NLGN4Y: variants seen among roughly 807,000 people sequenced by gnomAD.
NLGN4Y encodes the protein neuroligin 4 Y-linked.
Under a neutral mutation model 8.4 loss-of-function variants are expected in NLGN4Y, and 4 were observed. The ratio of observed to expected loss-of-function variants is 0.48; its 90% confidence interval spans 0.23 to 1.09. The LOEUF is 1.09. NLGN4Y is among the 50% of genes least tolerant of loss of function. The pLI is 0.19. For missense variants in NLGN4Y, 90 were observed against 192.3 expected (o/e 0.47, Z 3.15); for synonymous variants, 35 against 75.6 (o/e 0.46, Z 2.78).
intron 2 of NLGN4Y, among the ~76,000 whole-genome samples, chrY:14,632,821 G>T (rs2080553554): frequency 3.0e-5 from 1 of 33,470 alleles, no homozygotes; most frequent in African/African-American, 1.2e-4. Flanking sequence ...GTGGATTTCT[G>T]ATAGCATGTT....
At chrY:14,808,375 A>G in intron 4 of NLGN4Y, among the ~76,000 whole-genome samples, 1 of 33,793 alleles carries the variant, frequency 3.0e-5, no homozygotes, top group Admixed American at 2.7e-4. Context: ...TGTGAGGACT[A>G]CTATTCTCCT....
intron 5 of NLGN4Y, among the ~76,000 whole-genome samples, chrY:14,826,392 T>G (rs2043146571): frequency 4.0e-5 from 1 of 24,696 alleles, no homozygotes; most frequent in Non-Finnish European, 9.2e-5. Flanking sequence ...CAGGCAGGAG[T>G]GCAGCATCAT....
intron 4 of NLGN4Y, among the ~76,000 whole-genome samples, chrY:14,765,659 A>AT (rs2081091970): frequency 6.0e-5 from 2 of 33,510 alleles, no homozygotes; most frequent in Admixed American, 5.5e-4. Context: ...TCAAAATCAT[A>AT]TTTTTTATGT....
intron 4 of NLGN4Y, among the ~76,000 whole-genome samples, chrY:14,814,344 C>T: frequency 3.0e-5 from 1 of 33,160 alleles, no homozygotes; most frequent in Admixed American, 2.8e-4. Context: ...CTCTCTAGCC[C>T]AGTCTTGGAG....
chrY:14,791,202 G>C lies in NLGN4Y; in HGVS notation c.686-32986G>C, dbSNP rs372897985. Among the ~76,000 whole-genome samples the C allele has an allele frequency of 5.1e-3, 171 of 33,297 alleles. No individual in the cohort carries two copies. In the East Asian group the frequency reaches 0.12, roughly 23 times the overall value. 89.3% of individuals were successfully genotyped at this position (33,297 alleles called of 37,273 possible). A position where few individuals can be genotyped will look rare whatever the true frequency, so the allele number is the denominator to read the frequency against. On this transcript the variant is annotated intron_variant, in intron 4 of 6. Coordinates refer to ENST00000684976, the MANE Select transcript of NLGN4Y (RefSeq NM_001365588.1). ...AATTGAAACCTTAAAACTAACCTGT[G>C]GCCTTTGACCATTGCTTCTTGATCA...
At chrY:14,763,627 T>A (rs891522759) in intron 4 of NLGN4Y, among the ~76,000 whole-genome samples, 3 of 34,162 alleles carry the variant, frequency 8.8e-5, no homozygotes, top group Non-Finnish European at 2.2e-4. Context: ...GATGACTGAA[T>A]TCATTAGGAC....
intron 1 of NLGN4Y, among the ~76,000 whole-genome samples, chrY:14,575,935 A>C (rs2080296390): frequency 6.1e-5 from 2 of 32,962 alleles, no homozygotes; most frequent in South Asian, 7.1e-4. Flanking sequence ...TTGCTGCCTG[A>C]TTGTTCCCCT....
At chrY:14,629,883 C>G (rs766567122) in intron 2 of NLGN4Y, among the ~76,000 whole-genome samples, 1 of 33,458 alleles carries the variant, frequency 3.0e-5, no homozygotes, top group Non-Finnish European at 7.3e-5. Flanking sequence ...TTTTGAGGAG[C>G]AGTTATATGC....
intron 2 of NLGN4Y, among the ~76,000 whole-genome samples, chrY:14,633,818 T>C (rs935730688): frequency 5.9e-5 from 2 of 33,741 alleles, no homozygotes; most frequent in African/African-American, 1.2e-4. Context: ...AATTGAATGT[T>C]AATCCAATGA....
intron 1 of NLGN4Y, among the ~76,000 whole-genome samples, chrY:14,595,189 T>C (rs2080389667): frequency 3.0e-5 from 1 of 32,908 alleles, no homozygotes; most frequent in Non-Finnish European, 7.4e-5. Flanking sequence ...AGGGGACATA[T>C]ACCCGGGTTG....
chrY:14,557,306 G>A (rs2080213226), intron 1 of NLGN4Y, among the ~76,000 whole-genome samples: 1 of 33,237 alleles, frequency 3.0e-5, no homozygotes, highest in Admixed American at 2.8e-4. Flanking sequence ...TACTGACTAG[G>A]CAGACCAATT....
intron 4 of NLGN4Y, among the ~76,000 whole-genome samples, chrY:14,767,523 T>C (rs2081096030): frequency 3.0e-5 from 1 of 33,253 alleles, no homozygotes; most frequent in Non-Finnish European, 7.5e-5. Context: ...CAAAATGATA[T>C]TATGTACCTG....
At chrY:14,706,867 C>T (rs2080880867) in intron 2 of NLGN4Y, among the ~76,000 whole-genome samples, 2 of 17,801 alleles carry the variant, frequency 1.1e-4, no homozygotes, top group Non-Finnish European at 2.5e-4. Context: ...ATATTGATTG[C>T]GTGTGATGTG....
At chrY:14,733,644 A>T in intron 4 of NLGN4Y, 1 of 122,014 alleles carries the variant, frequency 8.2e-6, no homozygotes, top group Non-Finnish European at 1.5e-5. Flanking sequence ...TTCTTAGTGA[A>T]ACACGGCACT....
intron 4 of NLGN4Y, among the ~76,000 whole-genome samples, chrY:14,771,481 C>T (rs2081107963): frequency 6.1e-5 from 2 of 32,534 alleles, no homozygotes; most frequent in African/African-American, 2.4e-4. Flanking sequence ...AATAAAATTC[C>T]TTACAGACAA....
At chrY:14,702,102 G>A (rs2080850091) in intron 2 of NLGN4Y, among the ~76,000 whole-genome samples, 1 of 31,701 alleles carries the variant, frequency 3.2e-5, no homozygotes, top group Non-Finnish European at 7.7e-5. Context: ...CAATCCTTCT[G>A]CTTCAGCCTC....
At chrY:14,805,415 C>T in intron 4 of NLGN4Y, among the ~76,000 whole-genome samples, 1 of 33,063 alleles carries the variant, frequency 3.0e-5, no homozygotes, top group African/African-American at 1.2e-4. Flanking sequence ...TGGCTATTAA[C>T]GTGGAAGAGG....
chrY:14,710,603 T>G, intron 2 of NLGN4Y, among the ~76,000 whole-genome samples: 1 of 33,825 alleles, frequency 3.0e-5, no homozygotes, highest in African/African-American at 1.2e-4. Flanking sequence ...AATGTTTGCC[T>G]TTACATCCTC....
chrY:14,578,725 T>A, intron 1 of NLGN4Y, among the ~76,000 whole-genome samples: 1 of 33,173 alleles, frequency 3.0e-5, no homozygotes, highest in African/African-American at 1.2e-4. Flanking sequence ...CATGATGCCA[T>A]CACCTCCCGC....
Sources: gnomAD v4.1 joint callset for allele counts (sites outside exome capture counted in the v4.1 genomes callset) on GRCh38, gnomAD v4.1.1 for gene constraint, MANE v1.5 for transcripts, NCBI Gene and HGNC (gene_info 2026-07-23, HGNC 2026-07-21) for gene names.